Variants in KAZN observed in about 807,000 individuals in gnomAD.
KAZN encodes kazrin, periplakin interacting protein, also known as kazrin.
Under a neutral mutation model 87.4 loss-of-function variants are expected in KAZN, and 40 were observed. The ratio of observed to expected loss-of-function variants is 0.46; its 90% CI spans 0.36 to 0.60. KAZN has a LOEUF of 0.60. Among genes scored for constraint, KAZN ranks in the 20% least tolerant of loss-of-function variants. The pLI is 0.00. For missense variants in KAZN, 898 were observed against 1,073.9 expected, an observed-to-expected ratio of 0.84 and a Z score of 2.29; for synonymous variants, 466 against 458.3, an observed-to-expected ratio of 1.02 and a Z score of -0.22.
intron 1 of KAZN, among the ~76,000 whole-genome samples, chr1:14,019,102 C>T (rs1205318672): frequency 6.6e-6 from 1 of 152,094 alleles, no homozygotes; most frequent in Non-Finnish European, 1.5e-5. Context: ...TAGTACTGAC[C>T]AACAAAAGAC....
At chr1:14,848,499 A>G (rs1649043284) in intron 1 of KAZN, among the ~76,000 whole-genome samples, 1 of 152,226 alleles carries the variant, frequency 6.6e-6, no homozygotes, top group Non-Finnish European at 1.5e-5. Flanking sequence ...GAAGCCAATT[A>G]TCATTGCTAA....
rs1364886635 is a variant in KAZN at position 14,570,506 on chromosome 1, T to C, written c.250-28477T>C. ...GAATTGTACAACTGGTGTTCTTTTA[T>C]AGCTGACATTTCTCTAAGCATGTTT... On this transcript the variant is annotated intron_variant, in intron 2 of 16. Coordinates refer to the KAZN transcript ENST00000636203. 2.6e-5 allele frequency among the ~76,000 whole-genome samples: 4 copies of C among 152,340 alleles called. No homozygotes were observed. The East Asian group carries it at 7.7e-4, about 29-fold the overall frequency.
intron 2 of KAZN, among the ~76,000 whole-genome samples, chr1:14,205,906 A>AAAAAAAAAAAAAAG (rs1646733020): frequency 2.0e-5 from 1 of 50,522 alleles, no homozygotes; most frequent in Non-Finnish European, 3.5e-5. Context: ...AAAAAAAAAA[A>AAAAAAAAAAAAAAG]GCTACCTAAT....
intron 1 of KAZN, among the ~76,000 whole-genome samples, chr1:14,070,013 C>A (rs1312232891): frequency 1.3e-5 from 2 of 151,522 alleles, no homozygotes; most frequent in East Asian, 1.9e-4. Context: ...TACTAAAATA[C>A]AAAAAATTAT....
intron 2 of KAZN, among the ~76,000 whole-genome samples, chr1:14,227,821 C>T (rs1183615863): frequency 1.3e-5 from 2 of 152,124 alleles, no homozygotes; most frequent in East Asian, 1.9e-4. Flanking sequence ...AAATTCAGTA[C>T]GTATTAAAAC....
chr1:14,942,139 G>T (rs2101644959), intron 1 of KAZN, among the ~76,000 whole-genome samples: 1 of 152,320 alleles, frequency 6.6e-6, no homozygotes, highest in Admixed American at 6.5e-5. Context: ...TGGAGGCAGT[G>T]TTGAAGCATC....
intron 2 of KAZN, among the ~76,000 whole-genome samples, chr1:14,416,769 T>C (rs1351470372): frequency 2.4e-4 from 36 of 151,752 alleles, no homozygotes; most frequent in Admixed American, 2.4e-3. Flanking sequence ...AAAATTTTAA[T>C]TTTATTATAT....
intron 1 of KAZN, among the ~76,000 whole-genome samples, chr1:14,770,034 A>G (rs929548283): frequency 4.6e-5 from 7 of 152,162 alleles, no homozygotes; most frequent in African/African-American, 1.7e-4. Flanking sequence ...CCTGAGGTAG[A>G]GTGAACCAGG....
chr1:14,017,568 A>G (rs930605934), intron 1 of KAZN, among the ~76,000 whole-genome samples: 3 of 152,342 alleles, frequency 2.0e-5, no homozygotes, highest in Admixed American at 2.0e-4. Flanking sequence ...AGGTGAACTC[A>G]GAGTTAAACC....
chr1:14,379,973 G>A (rs1296413953), intron 2 of KAZN, among the ~76,000 whole-genome samples: 2 of 152,122 alleles, frequency 1.3e-5, no homozygotes, highest in East Asian at 3.9e-4. Context: ...CGGTGGTGGT[G>A]GGCACAGAGG....
At chr1:15,093,538 T>C (rs1164671139) in intron 8 of KAZN, among the ~76,000 whole-genome samples, 1 of 152,162 alleles carries the variant, frequency 6.6e-6, no homozygotes, top group Admixed American at 6.5e-5. Context: ...TGCCTTTGTC[T>C]GGCCCAGTGA....
chr1:14,077,059 A>T (rs1643489297), intron 1 of KAZN, among the ~76,000 whole-genome samples: 1 of 151,938 alleles, frequency 6.6e-6, no homozygotes, highest in South Asian at 2.1e-4. Flanking sequence ...ATTGCTCTTC[A>T]TCTCTGGAAT....
chr1:14,270,932 G>T (rs1249594703), intron 2 of KAZN, among the ~76,000 whole-genome samples: 2 of 152,202 alleles, frequency 1.3e-5, no homozygotes, highest in Admixed American at 1.3e-4. Context: ...CCTTTGAGAA[G>T]CAAAGCACCC....
At chr1:14,387,263 C>T (rs1661997558) in intron 2 of KAZN, among the ~76,000 whole-genome samples, 1 of 152,018 alleles carries the variant, frequency 6.6e-6, no homozygotes, top group Non-Finnish European at 1.5e-5. Context: ...TTTGAATGTC[C>T]TCCCGTAGGT....
chr1:15,056,331 G>GA lies in KAZN; in HGVS notation c.916+52dup. The stretch of plus-strand genomic sequence containing the variant: ...ACCACGGCTTCGAGGGGCTTCACAG[G>GA]AGGCCATCTGACCCAGTGGGAGAGG... On this transcript the variant is annotated intron_variant, in intron 5 of 14. Coordinates refer to ENST00000376030, the MANE Select transcript of KAZN (RefSeq NM_201628.3). The surrounding 1 kb of genome is among the most constrained non-coding windows in gnomAD (Gnocchi z 5.4). 1 of 1,524,872 alleles carries GA rather than the reference G, an allele frequency of 6.6e-7. No homozygotes were observed. Among genetic ancestry groups the GA allele is most frequent in the Non-Finnish European group, 8.9e-7 (1 of 1,125,552 alleles). 94.5% of individuals were successfully genotyped at this position (1,524,872 alleles called of 1,614,324 possible).
chr1:14,849,258 G>A (rs1649151768), intron 1 of KAZN, among the ~76,000 whole-genome samples: 1 of 152,112 alleles, frequency 6.6e-6, no homozygotes, highest in Non-Finnish European at 1.5e-5. Context: ...AGAGTCGCAG[G>A]GTCACTGCCA....
chr1:15,017,757 T>C (rs1199521955), intron 2 of KAZN, among the ~76,000 whole-genome samples: 1 of 151,972 alleles, frequency 6.6e-6, no homozygotes, highest in Non-Finnish European at 1.5e-5. Flanking sequence ...TCAGCTGAGA[T>C]TGCACCATTG....
At chr1:14,045,284 C>A (rs917515051) in intron 1 of KAZN, among the ~76,000 whole-genome samples, 7 of 152,142 alleles carry the variant, frequency 4.6e-5, no homozygotes, top group Non-Finnish European at 7.3e-5. Context: ...TATCCAGTGG[C>A]TTCAGTATAT....
At chr1:14,046,725 C>T (rs17351284) in intron 1 of KAZN, among the ~76,000 whole-genome samples, 20,305 of 152,240 alleles carry the variant, frequency 0.13, 1,782 homozygotes, top group Middle Eastern at 0.25. Flanking sequence ...CTTACCTGCA[C>T]TCAGTGAGTT....
Sources: allele counts gnomAD v4.1 joint callset (sites outside exome capture counted in the v4.1 genomes callset), GRCh38; gene constraint gnomAD v4.1.1; non-coding constraint Gnocchi (gnomAD v3.1); transcripts MANE v1.5; gene names NCBI Gene and HGNC (gene_info 2026-07-23, HGNC 2026-07-21).